The following HNRNPLL variants were observed in gnomAD, a reference collection of about 807,000 sequenced individuals.
HNRNPLL encodes the protein heterogeneous nuclear ribonucleoprotein L-like.
A neutral mutation model predicts 67.1 loss-of-function variants in HNRNPLL; 25 were observed. The observed-to-expected ratio is 0.37, with a 90% CI of 0.27 to 0.52. The LOEUF (loss-of-function observed/expected upper bound fraction) is 0.52, where lower values mean the gene tolerates loss of function less well. Ranked by LOEUF, HNRNPLL falls within the 20% of genes least tolerant of loss-of-function variation. The pLI, the probability that HNRNPLL is intolerant of heterozygous loss-of-function variation, is 0.90. For synonymous variants in HNRNPLL, 267 were observed against 241.7 expected, an observed-to-expected ratio of 1.10 and a Z score of -0.97; for missense variants, 542 against 673.9, an observed-to-expected ratio of 0.80 and a Z score of 2.17.
At chr2:38,601,706 G>C (rs1485314477) in intron 1 of HNRNPLL, 1 of 152,120 alleles carries the variant, frequency 6.6e-6, no homozygotes, top group African/African-American at 2.4e-5. Context: ...GGCAAATGTG[G>C]AATAAATTAC....
chr2:38,597,362 C>T (rs936991865), intron 1 of HNRNPLL, among the ~76,000 whole-genome samples: 7 of 152,192 alleles, frequency 4.6e-5, no homozygotes, highest in African/African-American at 7.2e-5. Flanking sequence ...TTTCTGGATA[C>T]ATTAAAATTT....
In HNRNPLL at chr2:38,602,616, G is replaced by A. The variant is rs912262575; in HGVS notation, c.11C>T (p.Ser4Phe). 1.3e-6 allele frequency: 2 copies of A among 1,549,156 alleles called. No homozygotes were observed. Among genetic ancestry groups the A allele is most frequent in the Middle Eastern group, 1.7e-4 (1 of 5,928 alleles). MSS[S>F]SSSPRETYEE... ...GTACGTCTCCCTGGGGGAGGAAGAG[G>A]AGGAGGACATGGCGGCGGCCGGAGG... The change falls in exon 1 of 13, where the codon TCC (serine) becomes TTC (phenylalanine). Residue 4 changes from serine (S) to phenylalanine (F), a missense_variant. By Grantham distance (155) the Ser-to-Phe change is radical. This residue lies in a region of HNRNPLL where 127 missense variants were observed against 98.7 expected (regional missense o/e 1.29). Coordinates refer to ENST00000449105, the MANE Select transcript of HNRNPLL (RefSeq NM_138394.4).
At chr2:38,598,534 T>C (rs902725265) in intron 1 of HNRNPLL, among the ~76,000 whole-genome samples, 23 of 152,162 alleles carry the variant, frequency 1.5e-4, no homozygotes, top group African/African-American at 4.6e-4. Context: ...TTCAATTTCA[T>C]GGAGGCAAAA....
At chr2:38,581,891 C>A (rs1361753074) in intron 6 of HNRNPLL, 22 bp downstream of exon 6, 3 of 1,527,540 alleles carry the variant, frequency 2.0e-6, no homozygotes, top group Non-Finnish European at 2.7e-6. Context: ...CAAGTACATT[C>A]TAAAATGTAT....
At chr2:38,594,717 C>G (rs1667104532) in intron 1 of HNRNPLL, among the ~76,000 whole-genome samples, 1 of 150,784 alleles carries the variant, frequency 6.6e-6, no homozygotes, top group South Asian at 2.1e-4. Flanking sequence ...GGGAGGCTGA[C>G]ACAGGCAAAA....
chr2:38,587,000 G>A (rs576602261), intron 2 of HNRNPLL, among the ~76,000 whole-genome samples: 11 of 152,140 alleles, frequency 7.2e-5, no homozygotes, highest in Non-Finnish European at 1.5e-4. Flanking sequence ...GGATCACAAT[G>A]GGGGAAGCAT....
At chr2:38,565,645 T>C (rs911059643) in intron 12 of HNRNPLL, among the ~76,000 whole-genome samples, 1 of 149,006 alleles carries the variant, frequency 6.7e-6, no homozygotes, top group African/African-American at 2.5e-5. Context: ...GGAGGATCAC[T>C]TGAGCTCAGG....
chr2:38,602,817 C>G lies in HNRNPLL; in HGVS notation c.-191G>C. The G allele has an allele frequency of 1.3e-6, 2 of 1,545,784 alleles. No homozygotes were observed. The highest frequency in any genetic ancestry group is 2.8e-5 in the African/African-American group (2 of 72,238). On this transcript the variant is annotated 5_prime_UTR_variant, in exon 1 of 13. Transcript: ENST00000449105. ...AGCGCGGACGGACTGAGGGGGGCGC[C>G]CCGGGAGGAAGCTCTGGAGCGGCCG... is the stretch of plus-strand genomic sequence containing the variant.
intron 2 of HNRNPLL, among the ~76,000 whole-genome samples, chr2:38,589,524 A>G (rs1400366092): frequency 6.6e-6 from 1 of 152,176 alleles, no homozygotes; most frequent in Non-Finnish European, 1.5e-5. Flanking sequence ...TTAATTACAC[A>G]CTAATTTGTT....
chr2:38,589,523 C>A (rs1666878668), intron 2 of HNRNPLL, among the ~76,000 whole-genome samples: 1 of 152,154 alleles, frequency 6.6e-6, no homozygotes, highest in South Asian at 2.1e-4. Context: ...CTTAATTACA[C>A]ACTAATTTGT....
At chr2:38,570,742 C>T (rs779841072) in intron 8 of HNRNPLL, among the ~76,000 whole-genome samples, 2 of 152,042 alleles carry the variant, frequency 1.3e-5, no homozygotes, top group Non-Finnish European at 2.9e-5. Context: ...CCAATGGATG[C>T]CTGAAACTGC....
At position 38,602,871 on chromosome 2, in the gene HNRNPLL, G is replaced by T; in HGVS notation, c.-245C>A. On this transcript the variant is annotated 5_prime_UTR_variant, in exon 1 of 13. It adds an upstream start codon to the 5' untranslated region. Transcript: ENST00000449105. ...CTCTCAATTACCGAGCCAACATTCA[G>T]CCTCTCCCTCCTCCTCCTCCGTCTC... is the stretch of plus-strand genomic sequence containing the variant. The T allele has an allele frequency of 6.5e-7, 1 of 1,549,288 alleles. No homozygotes were observed. Among genetic ancestry groups the T allele is most frequent in the Non-Finnish European group, 8.7e-7 (1 of 1,146,224 alleles).
chr2:38,566,146 A>G (rs1364525598), intron 12 of HNRNPLL: 1 of 930,226 alleles, frequency 1.1e-6, no homozygotes, highest in Admixed American at 6.2e-5. Context: ...AGGTGGGCAG[A>G]TCATGAGGTC....
At position 38,570,097 on chromosome 2, in the gene HNRNPLL, G is replaced by GT. The variant is rs531583390; in HGVS notation, c.1093-173dup. On this transcript the variant is annotated intron_variant, in intron 8 of 12. Transcript: ENST00000449105. ...CCTTAACTCTTATCAAAGTTCAATA[G>GT]TTAAAAAGGAACACTATTGTATAGC... Among the ~76,000 whole-genome samples, 557 of 152,254 alleles carry GT rather than the reference G, an allele frequency of 3.7e-3. 2 individuals carry two copies. Among genetic ancestry groups the GT allele is most frequent in the Non-Finnish European group, 6.2e-3 (425 of 68,008 alleles).
At position 38,563,189 on chromosome 2, in the gene HNRNPLL, T is replaced by C. The variant is rs1413069353; in HGVS notation, c.*993A>G. 6.6e-6 allele frequency: 1 copy of C among 150,894 alleles called. No individual in the cohort carries two copies. The highest frequency in any genetic ancestry group is 1.5e-5 in the Non-Finnish European group (1 of 67,684). The allele number at this position is 150,894 out of a possible 1,614,324, so 9.3% of individuals were successfully genotyped here. A position where few individuals can be genotyped will look rare whatever the true frequency, so the allele number is the denominator to read the frequency against. The stretch of plus-strand genomic sequence containing the variant: ...AAAAAGAAAAAAAAAACAGATCCAG[T>C]GGGAGAAAGAATGTTTAATAAATGG... On this transcript the variant is annotated 3_prime_UTR_variant, in exon 13 of 13. Coordinates refer to ENST00000449105, the MANE Select transcript of HNRNPLL (RefSeq NM_138394.4).
intron 9 of HNRNPLL, among the ~76,000 whole-genome samples, 170 bp downstream of exon 9, chr2:38,569,634 C>G (rs1665993929): frequency 6.6e-6 from 1 of 152,136 alleles, no homozygotes; most frequent in African/African-American, 2.4e-5. Flanking sequence ...TAAGCAAAAT[C>G]TGAGTGATAC....
intron 2 of HNRNPLL, among the ~76,000 whole-genome samples, chr2:38,590,501 C>T (rs1189609742): frequency 2.6e-5 from 4 of 152,098 alleles, no homozygotes; most frequent in Non-Finnish European, 4.4e-5. Flanking sequence ...ATAAAATCAA[C>T]GCTAGATTAT....
intron 7 of HNRNPLL, among the ~76,000 whole-genome samples, chr2:38,576,768 TAA>T (rs1454851642): frequency 1.3e-5 from 2 of 151,878 alleles, no homozygotes; most frequent in South Asian, 2.1e-4. Flanking sequence ...GCTTCAACTT[TAA>T]AGCACAGAAT....
chr2:38,565,457 G>A (rs943214398), intron 12 of HNRNPLL, among the ~76,000 whole-genome samples: 2 of 152,020 alleles, frequency 1.3e-5, no homozygotes, highest in African/African-American at 2.4e-5. Flanking sequence ...TACAATCCCA[G>A]CAACTTGGGA....
Sources: allele counts gnomAD v4.1 joint callset (sites outside exome capture counted in the v4.1 genomes callset), GRCh38; gene constraint gnomAD v4.1.1; regional missense constraint gnomAD v4.1.1; transcripts MANE v1.5; gene names NCBI Gene and HGNC (gene_info 2026-07-23, HGNC 2026-07-21).